The following ADD1 variants were observed in gnomAD, a reference collection of about 807,000 sequenced individuals.
The protein encoded by ADD1 is adducin 1.
A neutral mutation model predicts 80.5 loss-of-function variants in ADD1; 24 were observed. That is an observed-to-expected ratio of 0.30 (90% CI 0.22 to 0.42). The LOEUF is 0.42. Among genes scored for constraint, ADD1 ranks in the 10% least tolerant of loss-of-function variants. The pLI is 1.00. For synonymous variants in ADD1, 373 were observed against 393.8 expected, an observed-to-expected ratio of 0.95 and a Z score of 0.63; for missense variants, 948 against 1,019.0, an observed-to-expected ratio of 0.93 and a Z score of 0.95.
At chr4:2,893,128 C>T (rs1257911320) in intron 4 of ADD1, among the ~76,000 whole-genome samples, 2 of 151,836 alleles carry the variant, frequency 1.3e-5, no homozygotes, top group African/African-American at 2.4e-5. Flanking sequence ...GGGGTTTTGC[C>T]ATGTTGACCA....
chr4:2,912,735 C>T (rs1738289459), intron 13 of ADD1, among the ~76,000 whole-genome samples: 1 of 152,154 alleles, frequency 6.6e-6, no homozygotes, highest in Admixed American at 6.5e-5. Context: ...CTATGTTGCC[C>T]AGGCTGGTCT....
intron 14 of ADD1, among the ~76,000 whole-genome samples, chr4:2,922,543 A>G (rs1053759210): frequency 2.6e-5 from 4 of 152,208 alleles, no homozygotes; most frequent in Non-Finnish European, 5.9e-5. Context: ...GCCAGATGCC[A>G]GCTGGAGCTC....
chr4:2,908,927 G>T, intron 12 of ADD1: 1 of 457,250 alleles, frequency 2.2e-6, no homozygotes, highest in East Asian at 4.3e-5. Flanking sequence ...CGCTAGGAGA[G>T]GGTGGGTTTA....
chr4:2,849,090 G>A (rs1045977478), intron 1 of ADD1, among the ~76,000 whole-genome samples: 8 of 152,034 alleles, frequency 5.3e-5, no homozygotes, highest in East Asian at 3.9e-4. Context: ...AAGAAGTTAC[G>A]TTGGTTTATA....
intron 1 of ADD1, among the ~76,000 whole-genome samples, chr4:2,863,220 T>A (rs1729062339): frequency 3.2e-5 from 1 of 31,382 alleles, no homozygotes; most frequent in Non-Finnish European, 6.7e-5. Flanking sequence ...TAATTTTTAA[T>A]TTTTTTTTTT....
Position 2,876,052 on chromosome 4 carries a change from G to T in ADD1, c.137G>T (p.Arg46Leu), listed in dbSNP as rs767055661. The T allele has an allele frequency of 6.2e-7, 1 of 1,614,034 alleles. No homozygotes were observed. Among genetic ancestry groups the T allele is most frequent in the South Asian group, 1.1e-5 (1 of 91,060 alleles). The change falls in exon 2 of 16, where the codon CGC becomes CTC. Residue 46 changes from arginine to leucine, a missense_variant. Transcript: ENST00000683351. ...LRERNMAPDL[R>L]QDFNMMEQKK... The stretch of plus-strand genomic sequence containing the variant: ...GAGAGGAACATGGCACCAGACCTTC[G>T]CCAGGACTTCAACATGATGGAGCAA...
rs1231893211 is a variant in ADD1 at position 2,904,805 on chromosome 4, A to AGAG, written c.1204_1206dup (p.Glu402dup). 2 of 1,614,138 alleles carry AGAG rather than the reference A, an allele frequency of 1.2e-6. No individual in the cohort carries two copies. Among genetic ancestry groups the AGAG allele is most frequent in the Non-Finnish European group, 1.7e-6 (2 of 1,180,026 alleles). ...ACCCTTATCGATACCCTGCTCTGAG[A>AGAG]GAGAAGTCTAAAAAATACAGCGATG... On this transcript the variant is annotated inframe_insertion, in exon 10 of 16. Coordinates refer to ENST00000683351, the MANE Select transcript of ADD1 (RefSeq NM_001354761.2).
chr4:2,867,359 G>C (rs1213197659), intron 1 of ADD1, among the ~76,000 whole-genome samples: 1 of 152,160 alleles, frequency 6.6e-6, no homozygotes, highest in Non-Finnish European at 1.5e-5. Flanking sequence ...AAGTTTTATA[G>C]GAGTATGAGT....
intron 12 of ADD1, 157 bp from the exon 13 acceptor site, chr4:2,909,182 C>T (rs1034693366): frequency 2.3e-5 from 15 of 644,358 alleles, no homozygotes; most frequent in Middle Eastern, 2.9e-4. Flanking sequence ...GTCCTGGTTT[C>T]GTGTTCAGTG....
At chr4:2,869,329 G>T (rs781729775) in intron 1 of ADD1, among the ~76,000 whole-genome samples, 18 of 152,142 alleles carry the variant, frequency 1.2e-4, no homozygotes, top group Non-Finnish European at 2.6e-4. Flanking sequence ...GGCAGTCCTT[G>T]GCGTTTCTTG....
intron 10 of ADD1, chr4:2,905,350 A>G (rs1264108699): frequency 7.3e-6 from 4 of 548,500 alleles, no homozygotes; most frequent in Non-Finnish European, 9.7e-6. Context: ...ATCTCCGTAT[A>G]TAGCAAAAAT....
chr4:2,928,142 T>C (rs1383512818), intron 15 of ADD1, 29 bp from the exon 16 acceptor site: 1 of 1,605,858 alleles, frequency 6.2e-7, no homozygotes, highest in Admixed American at 1.7e-5. Flanking sequence ...GCAGGAACCC[T>C]TAATCCCATC....
chr4:2,892,509 A>G (rs1311249260), intron 4 of ADD1, among the ~76,000 whole-genome samples: 3 of 152,106 alleles, frequency 2.0e-5, no homozygotes, highest in Non-Finnish European at 4.4e-5. Flanking sequence ...AATGAAGGCA[A>G]TGAGGATGTG....
At chr4:2,909,294 C>A in intron 12 of ADD1, 45 bp from the exon 13 acceptor site, 1 of 1,478,006 alleles carries the variant, frequency 6.8e-7, no homozygotes, top group Non-Finnish European at 9.3e-7. Context: ...TGATATTTCA[C>A]AGGCTGGGCC....
Position 2,928,376 on chromosome 4 carries a change from T to C in ADD1, c.2253T>C (p.Ala751=). The change falls in exon 16 of 16, where the codon GCT becomes GCC. Residue 751 remains alanine (A), a synonymous_variant. Transcript: ENST00000683351. ...CAGCCCCAGACCCAGCCCCGGTGGC[T>C]GAAGAGGCTGCCCCCTCAGCTGTCG... ...PEPAPDPAPV[A]EEAAPSAVEE... 1 of 1,613,304 alleles carries C rather than the reference T, an allele frequency of 6.2e-7. No homozygotes were observed. The highest frequency in any genetic ancestry group is 8.5e-7 in the Non-Finnish European group (1 of 1,179,868).
intron 1 of ADD1, among the ~76,000 whole-genome samples, chr4:2,872,284 T>C (rs1016933475): frequency 2.6e-5 from 4 of 152,254 alleles, no homozygotes; most frequent in Non-Finnish European, 1.5e-5. Flanking sequence ...ATATTGTTGA[T>C]GGTGAAATCT....
At chr4:2,898,080 C>T (rs1283828084) in intron 6 of ADD1, 104 bp from the exon 7 acceptor site, 2 of 1,397,540 alleles carry the variant, frequency 1.4e-6, no homozygotes, top group Admixed American at 4.5e-5. Context: ...AGGACAAAAA[C>T]ATTTCCCTTC....
chr4:2,890,970 C>G (rs944965396), intron 4 of ADD1, among the ~76,000 whole-genome samples: 15 of 152,064 alleles, frequency 9.9e-5, no homozygotes, highest in African/African-American at 3.6e-4. Flanking sequence ...CAACTGCTTA[C>G]TTTTGTGTTA....
chr4:2,871,639 C>G (rs1730473607), intron 1 of ADD1, among the ~76,000 whole-genome samples: 1 of 152,156 alleles, frequency 6.6e-6, no homozygotes, highest in South Asian at 2.1e-4. Context: ...ACAAAATAGA[C>G]AGCACGGTGT....
Sources: allele counts gnomAD v4.1 joint callset (sites outside exome capture counted in the v4.1 genomes callset), GRCh38; gene constraint gnomAD v4.1.1; transcripts MANE v1.5; gene names NCBI Gene and HGNC (gene_info 2026-07-23, HGNC 2026-07-21).